CSAD: variants seen among roughly 807,000 people sequenced by gnomAD.
CSAD encodes P-selectin cytoplasmic tail-associated protein.
In CSAD, 47 loss-of-function variants were observed where a neutral mutation model predicts 61.5. The observed-to-expected ratio is 0.76, with a 90% CI of 0.60 to 0.97. CSAD has a LOEUF of 0.97. Among genes scored for constraint, CSAD ranks in the 50% least tolerant of loss-of-function variants. CSAD has a pLI of 0.00. For missense variants in CSAD, 611 were observed against 643.6 expected, an observed-to-expected ratio of 0.95 and a Z score of 0.55; for synonymous variants, 245 against 252.7, an observed-to-expected ratio of 0.97 and a Z score of 0.29.
In CSAD at chr12:53,170,054, C is replaced by T. The variant is rs770869402; in HGVS notation, c.702+18G>A. 4.3e-6 allele frequency: 7 copies of T among 1,610,736 alleles called. No individual in the cohort carries two copies. The highest frequency in any genetic ancestry group is 4.5e-5 in the East Asian group (2 of 44,868). ...ACAGTTGGAGGCTATATCACCCCAG[C>T]GAGCCTCACTGACTCACCTCAGCCT... is the stretch of plus-strand genomic sequence containing the variant. On this transcript the variant is annotated intron_variant, in intron 10 of 16. Coordinates refer to ENST00000444623, the MANE Select transcript of CSAD (RefSeq NM_001244705.2).
intron 2 of CSAD, among the ~76,000 whole-genome samples, chr12:53,175,287 T>G (rs112195984): frequency 5.6e-4 from 85 of 152,282 alleles, no homozygotes; most frequent in Non-Finnish European, 7.4e-4. Flanking sequence ...GCAGGAGTCA[T>G]TGCAATGCTA....
rs73099942 is a variant in CSAD at position 53,159,594 on chromosome 12, G to C, written c.1308+29C>G. 3.2e-6 allele frequency: 5 copies of C among 1,585,216 alleles called. No individual in the cohort carries two copies. In the African/African-American group the frequency reaches 4.0e-5, roughly 13 times the overall value. On this transcript the variant is annotated intron_variant, in intron 16 of 16. Transcript: ENST00000444623. ...GCATCAGTTGCATCAGCTCCCTAAC[G>C]GGTAAAGAGAGCAGCACAGCACGCC...
intron 2 of CSAD, among the ~76,000 whole-genome samples, chr12:53,176,652 G>A (rs1235069365): frequency 6.6e-6 from 1 of 151,870 alleles, no homozygotes; most frequent in African/African-American, 2.4e-5. Flanking sequence ...CCGGGAGGCG[G>A]AGCTTGCAGT....
At chr12:53,176,755 A>G (rs1045699272) in intron 2 of CSAD, among the ~76,000 whole-genome samples, 1 of 152,100 alleles carries the variant, frequency 6.6e-6, no homozygotes, top group Non-Finnish European at 1.5e-5. Context: ...ATTTTAGAGA[A>G]TAAGTTTTGC....
chr12:53,162,445 G>A (rs372663416), intron 10 of CSAD, among the ~76,000 whole-genome samples: 1 of 152,170 alleles, frequency 6.6e-6, no homozygotes, highest in Admixed American at 6.6e-5. Flanking sequence ...GCAGGCGCCT[G>A]TAATCCCAGC....
rs765509205 is a variant in CSAD at position 53,173,766 on chromosome 12, A to C, written c.-45T>G. ...AGAGCCGGAGGCAGGGTGCACAGGT[A>C]GCTCCTCAGGACAGCAGGACCAAGA... On this transcript the variant is annotated 5_prime_UTR_variant, in exon 3 of 17. Transcript: ENST00000444623. 1 of 1,613,456 alleles carries C rather than the reference A, an allele frequency of 6.2e-7. No homozygotes were observed. Among genetic ancestry groups the C allele is most frequent in the South Asian group, 1.1e-5 (1 of 90,936 alleles).
chr12:53,176,594 C>T (rs1170235094), intron 2 of CSAD, among the ~76,000 whole-genome samples: 7 of 151,702 alleles, frequency 4.6e-5, no homozygotes, highest in Non-Finnish European at 7.4e-5. Context: ...TGGTGGGCAC[C>T]TGCAGTCCCA....
chr12:53,181,171 A>G (rs1941608911), upstream of CSAD: 6 of 985,094 alleles, frequency 6.1e-6, no homozygotes, highest in Non-Finnish European at 7.2e-6. Context: ...GGCGGGCGAC[A>G]CGCCGCGCCG....
Position 53,172,533 on chromosome 12 carries a change from CTG to C in CSAD, c.240_241del (p.Tyr80Ter), listed in dbSNP as rs775161165. The C allele has an allele frequency of 1.8e-5, 29 of 1,614,040 alleles. No individual in the cohort carries two copies. Among genetic ancestry groups the C allele is most frequent in the Non-Finnish European group, 2.2e-5 (26 of 1,180,018 alleles). ...AAGCCAGGGCCCACCAGTCTTGACA[CTG>C]TAGCGAATCACAGCCCGACACCGCT... On this transcript the variant is annotated stop_gained and frameshift_variant, in exon 5 of 17. Transcript: ENST00000444623. LOFTEE classifies it high-confidence loss of function.
In CSAD at chr12:53,161,258, C is replaced by T. The variant is rs577013067; in HGVS notation, c.819+15G>A. 6.8e-6 allele frequency: 11 copies of T among 1,613,896 alleles called. No homozygotes were observed. Among genetic ancestry groups the T allele is most frequent in the South Asian group, 3.3e-5 (3 of 91,086 alleles). ...AGCCCACCCCACCGCACCCCCAAGC[C>T]GAAGTCCCACTCACATCCACATGCA... On this transcript the variant is annotated intron_variant, in intron 11 of 16. Coordinates refer to ENST00000444623, the MANE Select transcript of CSAD (RefSeq NM_001244705.2).
chr12:53,181,025 C>G, upstream of CSAD: 1 of 863,226 alleles, frequency 1.2e-6, no homozygotes, highest in Non-Finnish European at 1.5e-6. Context: ...GCCCGCGCGT[C>G]CCGCCGCGTC....
At chr12:53,160,631 G>T in intron 13 of CSAD, 132 bp downstream of exon 13, 1 of 809,724 alleles carries the variant, frequency 1.2e-6, no homozygotes, top group Non-Finnish European at 2.0e-6. Context: ...AGGTTAGGGT[G>T]GTAGCTGAGA....
chr12:53,161,239 C>A, intron 11 of CSAD, 34 bp downstream of exon 11: 1 of 1,613,478 alleles, frequency 6.2e-7, no homozygotes, highest in Non-Finnish European at 8.5e-7. Context: ...GCTCAGCCCA[C>A]CCCACCGCAC....
At chr12:53,162,895 C>G (rs1939459935) in intron 10 of CSAD, among the ~76,000 whole-genome samples, 2 of 151,818 alleles carry the variant, frequency 1.3e-5, no homozygotes, top group African/African-American at 4.8e-5. Flanking sequence ...AACCCTGTCT[C>G]TACTAAAAAT....
intron 10 of CSAD, among the ~76,000 whole-genome samples, chr12:53,166,682 G>A (rs1011476620): frequency 6.6e-6 from 1 of 152,034 alleles, no homozygotes; most frequent in Admixed American, 6.6e-5. Context: ...TGTAATCCCA[G>A]CTACTCAGGA....
At chr12:53,173,977 T>C (rs2121515357) in intron 2 of CSAD, 1 of 583,874 alleles carries the variant, frequency 1.7e-6, no homozygotes, top group Non-Finnish European at 3.1e-6. Context: ...ACTTTGTTTC[T>C]GTAGATTTGT....
intron 10 of CSAD, among the ~76,000 whole-genome samples, chr12:53,166,053 C>T (rs187857541): frequency 1.2e-3 from 182 of 152,270 alleles, no homozygotes; most frequent in African/African-American, 4.0e-3. Context: ...CAAATACCAC[C>T]GGGTGCGGTG....
chr12:53,169,324 A>G (rs1318458471), intron 10 of CSAD, among the ~76,000 whole-genome samples: 1 of 151,898 alleles, frequency 6.6e-6, no homozygotes, highest in Non-Finnish European at 1.5e-5. Flanking sequence ...TACTAAAAAT[A>G]CAAAATTAGC....
At position 53,173,333 on chromosome 12, in the gene CSAD, G is replaced by A; in HGVS notation, c.126+12C>T. The A allele has an allele frequency of 3.3e-6, 5 of 1,522,344 alleles. No homozygotes were observed. Among genetic ancestry groups the A allele is most frequent in the Non-Finnish European group, 4.5e-6 (5 of 1,099,170 alleles). 94.3% of individuals were successfully genotyped at this position (1,522,344 alleles called of 1,614,324 possible). Reference sequence around the variant, plus strand: ...AAAGCTTGATGGGAAGGAGGAGGAAGAAAGGACTCACCTTCTGGGAGACAC... The same window carrying A: ...AAAGCTTGATGGGAAGGAGGAGGAAAAAAGGACTCACCTTCTGGGAGACAC... On this transcript the variant is annotated intron_variant, in intron 4 of 16. Transcript: ENST00000444623.
Sources: gnomAD v4.1 joint callset for allele counts (sites outside exome capture counted in the v4.1 genomes callset) on GRCh38, gnomAD v4.1.1 for gene constraint, MANE v1.5 for transcripts, NCBI Gene and HGNC (gene_info 2026-07-23, HGNC 2026-07-21) for gene names.